FADS3: variants seen among roughly 807,000 people sequenced by gnomAD.
FADS3 encodes fatty acid desaturase 3, also known as cytochrome b5-related protein.
FADS3 carries 30 observed loss-of-function variants against 60.4 expected under a neutral mutation model. The observed-to-expected ratio is 0.50, with a 90% CI of 0.37 to 0.67. The LOEUF is 0.67. Ranked by LOEUF, FADS3 falls within the 30% of genes least tolerant of loss-of-function variation. The probability of loss-of-function intolerance (pLI) is 0.00; values close to 1 mark genes in which losing one functional copy is unlikely to be tolerated. For missense variants in FADS3, 432 were observed against 598.3 expected (o/e 0.72, Z 2.90); for synonymous variants, 234 against 249.3 (o/e 0.94, Z 0.58).
At position 61,878,731 on chromosome 11, in the gene FADS3, C is replaced by T. The variant is rs769598053; in HGVS notation, c.624+15G>A. 2.5e-6 allele frequency: 4 copies of T among 1,613,326 alleles called. No homozygotes were observed. The highest frequency in any genetic ancestry group is 2.2e-5 in the East Asian group (1 of 44,880). On this transcript the variant is annotated intron_variant, in intron 4 of 11. Transcript: ENST00000278829. ...CGCCACCCAGCACCTGGCTGACCAC[C>T]CACCCCACCCTCACCTTTAGCTGCC... is the stretch of plus-strand genomic sequence containing the variant.
rs369194407 is a variant in FADS3, at chr11:61,883,573, C to T, written c.214-3422G>A. On this transcript the variant is annotated intron_variant, in intron 1 of 11. Transcript: ENST00000278829. The stretch of plus-strand genomic sequence containing the variant: ...CAAACACAGCCTTGCACACATGGTA[C>T]GCAAAGATGCAGCTGGCACGCACAG... Among the ~76,000 whole-genome samples, 15 of 152,314 alleles carry T rather than the reference C, an allele frequency of 9.8e-5. No individual in the cohort carries two copies. In the East Asian group the frequency reaches 1.2e-3, roughly 12 times the overall value.
intron 5 of FADS3, 127 bp downstream of exon 5, chr11:61,878,385 G>T: frequency 6.9e-7 from 1 of 1,444,326 alleles, no homozygotes; most frequent in South Asian, 1.3e-5. Context: ...CACGGGGGCA[G>T]AGCTTGGCCC....
In FADS3 at chr11:61,878,758, C is replaced by G; in HGVS notation, c.612G>C (p.Met204Ile). Residue 204 changes from methionine (M) to isoleucine (I), a missense_variant, in exon 4 of 12, where the codon ATG becomes ATC. Met to Ile is a conservative substitution (Grantham distance 10). Around this residue, in one of 5 missense-constraint regions of FADS3, gnomAD observed 116 missense variants for 208.9 expected, o/e 0.56. Coordinates refer to ENST00000278829, the MANE Select transcript of FADS3 (RefSeq NM_021727.5). ...ACCCCACCCTCACCTTTAGCTGCCC[C>G]ATCACGAACTTCTGGGCCACGTGGT... ...WWNHVAQKFVMGQLKGFSAHW... is the reference protein window; with the variant it reads ...WWNHVAQKFVIGQLKGFSAHW... 1 of 1,614,086 alleles carries G rather than the reference C, an allele frequency of 6.2e-7. No individual in the cohort carries two copies. The highest frequency in any genetic ancestry group is 1.6e-4 in the Middle Eastern group (1 of 6,062).
intron 1 of FADS3, among the ~76,000 whole-genome samples, chr11:61,888,834 C>T (rs1938398326): frequency 6.6e-6 from 1 of 152,210 alleles, no homozygotes; most frequent in South Asian, 2.1e-4. Flanking sequence ...ATGCCTGCTT[C>T]AAGGTCGCTC....
intron 11 of FADS3, 52 bp from the exon 12 acceptor site, chr11:61,873,917 A>T: frequency 1.7e-6 from 2 of 1,210,556 alleles, no homozygotes; most frequent in Non-Finnish European, 1.2e-6. Flanking sequence ...CAGTTGCAAG[A>T]TCCTAACACC....
intron 2 of FADS3, 128 bp downstream of exon 2, chr11:61,879,913 C>T: frequency 1.4e-6 from 1 of 711,396 alleles, no homozygotes; most frequent in Non-Finnish European, 2.3e-6. Flanking sequence ...AGGGCAGGCT[C>T]AGCCCTGGCT....
chr11:61,878,783 T>C lies in FADS3; in HGVS notation c.587A>G (p.Asn196Ser). 1.2e-6 allele frequency: 2 copies of C among 1,613,948 alleles called. No individual in the cohort carries two copies. The highest frequency in any genetic ancestry group is 1.7e-6 in the Non-Finnish European group (2 of 1,179,924). Reference sequence around the variant, plus strand: ...CATCACGAACTTCTGGGCCACGTGGTTCCACCAGGACTTCTTGAAGATGGA... The same window carrying C: ...CATCACGAACTTCTGGGCCACGTGGCTCCACCAGGACTTCTTGAAGATGGA... ...HASIFKKSWWNHVAQKFVMGQ... is the reference protein window; with the variant it reads ...HASIFKKSWWSHVAQKFVMGQ... Residue 196 changes from asparagine (N) to serine (S), a missense_variant, in exon 4 of 12, where the codon AAC becomes AGC. Transcript: ENST00000278829.
intron 1 of FADS3, among the ~76,000 whole-genome samples, chr11:61,885,478 C>G (rs1374660420): frequency 1.3e-5 from 2 of 152,176 alleles, no homozygotes; most frequent in Non-Finnish European, 2.9e-5. Flanking sequence ...GCCCTGCAGC[C>G]CTGATGAGCC....
Position 61,879,974 on chromosome 11 carries a change from A to G in FADS3, c.324+67T>C, listed in dbSNP as rs909958602. ...GGGAGCTGCTCCTGGCCATGTGGCAATGTCTCCCAGCCCTCCAGCCATCCC... is the reference window on the plus strand; with the variant it reads ...GGGAGCTGCTCCTGGCCATGTGGCAGTGTCTCCCAGCCCTCCAGCCATCCC... On this transcript the variant is annotated intron_variant, in intron 2 of 11. Transcript: ENST00000278829. 17 of 1,341,312 alleles carry G rather than the reference A, an allele frequency of 1.3e-5. No individual in the cohort carries two copies. In the African/African-American group the frequency reaches 1.6e-4, roughly 13 times the overall value. The allele number at this position is 1,341,312 out of a possible 1,614,324, so 83.1% of individuals were successfully genotyped here.
chr11:61,890,779 C>A (rs1343090003), intron 1 of FADS3, among the ~76,000 whole-genome samples: 1 of 152,244 alleles, frequency 6.6e-6, no homozygotes, highest in East Asian at 1.9e-4. Flanking sequence ...CATGTCCTTA[C>A]CGGCCCCTGG....
intron 11 of FADS3, 48 bp from the exon 12 acceptor site, chr11:61,873,913 C>T (rs748910053): frequency 1.7e-5 from 22 of 1,295,892 alleles, no homozygotes; most frequent in South Asian, 1.6e-4. Flanking sequence ...AGCTCAGTTG[C>T]AAGATCCTAA....
At chr11:61,884,096 T>C (rs1300413650) in intron 1 of FADS3, among the ~76,000 whole-genome samples, 2 of 152,198 alleles carry the variant, frequency 1.3e-5, no homozygotes, top group East Asian at 1.9e-4. Flanking sequence ...GCTGAGGTCA[T>C]GTGACCTGGT....
At chr11:61,879,233 T>C in intron 3 of FADS3, 79 bp downstream of exon 3, 1 of 1,261,982 alleles carries the variant, frequency 7.9e-7, no homozygotes, top group Middle Eastern at 2.6e-4. Context: ...ATTTAGCAAA[T>C]ATGTTCACAA....
Position 61,876,563 on chromosome 11 carries a change from C to T in FADS3, c.984-108G>A, listed in dbSNP as rs934548211. The T allele has an allele frequency of 2.3e-6, 2 of 866,508 alleles. No homozygotes were observed. Among genetic ancestry groups the T allele is most frequent in the African/African-American group, 1.6e-5 (1 of 60,972 alleles). 53.7% of individuals were successfully genotyped at this position (866,508 alleles called of 1,614,324 possible). A position where few individuals can be genotyped will look rare whatever the true frequency, so the allele number is the denominator to read the frequency against. On this transcript the variant is annotated intron_variant, in intron 8 of 11. Transcript: ENST00000278829. The surrounding 1 kb of genome is among the most constrained non-coding windows in gnomAD (Gnocchi z 5.7). The stretch of plus-strand genomic sequence containing the variant: ...AGTGGCCTTGACTTCCTTATCTGTA[C>T]AATAGGATTGTGGCCATCGCCCCCT...
At position 61,876,966 on chromosome 11, in the gene FADS3, G is replaced by GGGA; in HGVS notation, c.886-4_886-3insTCC. 1 of 1,580,460 alleles carries GGGA rather than the reference G, an allele frequency of 6.3e-7. No individual in the cohort carries two copies. On this transcript the variant is annotated splice_region_variant and splice_polypyrimidine_tract_variant and intron_variant, in intron 7 of 11. Transcript: ENST00000278829. This position sits in a 1 kb window ranked among gnomAD's most constrained non-coding sequence, Gnocchi z 5.7. ...AAGCTGGCGGCCCAGAGCAAATCCT[G>GGGA]CAGAGGAGGGCAGAGGCGATACCGA...
At chr11:61,880,235 A>C in intron 1 of FADS3, 84 bp from the exon 2 acceptor site, 1 of 1,104,196 alleles carries the variant, frequency 9.1e-7, no homozygotes, top group African/African-American at 1.5e-5. Context: ...CGGAAGGACT[A>C]CGGATGGATG....
At chr11:61,889,603 C>T (rs1211117826) in intron 1 of FADS3, among the ~76,000 whole-genome samples, 2 of 151,932 alleles carry the variant, frequency 1.3e-5, no homozygotes, top group Admixed American at 1.3e-4. Flanking sequence ...GCCAAGATGG[C>T]GCCATTGCAC....
Position 61,876,253 on chromosome 11 carries a change from A to G in FADS3, c.1081-63T>C, listed in dbSNP as rs1481856624. The G allele has an allele frequency of 1.3e-5, 21 of 1,573,232 alleles. No homozygotes were observed. Among genetic ancestry groups the G allele is most frequent in the Non-Finnish European group, 1.6e-5 (19 of 1,157,002 alleles). On this transcript the variant is annotated intron_variant, in intron 9 of 11. Coordinates refer to ENST00000278829, the MANE Select transcript of FADS3 (RefSeq NM_021727.5). This position sits in a 1 kb window ranked among gnomAD's most constrained non-coding sequence, Gnocchi z 5.7. ...TGCAGATCCCTGACCCCACGGCACC[A>G]TCCCCCACCTGGCAGCCCCGTCAGG...
rs753370663 is a variant in FADS3, at chr11:61,877,557, A to G, written c.839T>C (p.Phe280Ser). ...CATGTACGCCAGATTTTCCACTTCAAAGTTCACCAGGGTGAGCAGCGGCGG... is the reference window on the plus strand; with the variant it reads ...CATGTACGCCAGATTTTCCACTTCAGAGTTCACCAGGGTGAGCAGCGGCGG... Reference protein sequence around the residue: ...IGPPLLTLVNFEVENLAYMLV... With the variant: ...IGPPLLTLVNSEVENLAYMLV... The change falls in exon 7 of 12, where the codon TTT becomes TCT. Residue 280 changes from phenylalanine (F) to serine (S), a missense_variant. This residue lies in a region of FADS3 where 116 missense variants were observed against 208.9 expected (regional missense o/e 0.56). Transcript: ENST00000278829. The surrounding 1 kb of genome is among the most constrained non-coding windows in gnomAD (Gnocchi z 4.7). 6.2e-7 allele frequency: 1 copy of G among 1,613,390 alleles called. No individual in the cohort carries two copies. Among genetic ancestry groups the G allele is most frequent in the Non-Finnish European group, 8.5e-7 (1 of 1,179,812 alleles).
Sources: allele counts gnomAD v4.1 joint callset (sites outside exome capture counted in the v4.1 genomes callset), GRCh38; gene constraint gnomAD v4.1.1; regional missense constraint gnomAD v4.1.1; non-coding constraint Gnocchi (gnomAD v3.1); transcripts MANE v1.5; gene names NCBI Gene and HGNC (gene_info 2026-07-23, HGNC 2026-07-21).